Variants in NFIB observed in about 807,000 individuals in gnomAD.
NFIB encodes the protein nuclear factor I B, also known as nuclear factor 1 B-type.
In NFIB, 11 loss-of-function variants were observed where a neutral mutation model predicts 61.5. That is an observed-to-expected ratio of 0.18 (90% CI 0.11 to 0.30). The LOEUF (loss-of-function observed/expected upper bound fraction) is 0.30, where lower values mean the gene tolerates loss of function less well. Among genes scored for constraint, NFIB ranks in the 10% least tolerant of loss-of-function variants. NFIB has a pLI of 1.00. For missense variants in NFIB, 471 were observed against 608.9 expected, an observed-to-expected ratio of 0.77 and a Z score of 2.38; for synonymous variants, 260 against 216.5, an observed-to-expected ratio of 1.20 and a Z score of -1.76.
chr9:14,196,341 C>T (rs2382454), intron 2 of NFIB, among the ~76,000 whole-genome samples: 20,653 of 152,026 alleles, frequency 0.14, 1,503 homozygotes, highest in East Asian at 0.33. Context: ...TTTAAAAAGC[C>T]GTGTGTTTAT....
At chr9:14,370,915 C>A (rs1247499871) in intron 1 of NFIB, among the ~76,000 whole-genome samples, 1 of 152,006 alleles carries the variant, frequency 6.6e-6, no homozygotes, top group African/African-American at 2.4e-5. Flanking sequence ...GCCAACGTGG[C>A]GAAACCCCAT....
intron 3 of NFIB, among the ~76,000 whole-genome samples, chr9:14,160,847 A>C (rs1258413733): frequency 2.0e-5 from 3 of 149,956 alleles, no homozygotes; most frequent in Non-Finnish European, 3.0e-5. Context: ...AAAAAAAAAA[A>C]AAAACAGAAA....
intron 2 of NFIB, among the ~76,000 whole-genome samples, chr9:14,274,612 T>C (rs1302067565): frequency 6.6e-6 from 1 of 152,194 alleles, no homozygotes; most frequent in East Asian, 1.9e-4. Flanking sequence ...TCTGAAATCT[T>C]AGATTTGAAC....
intron 2 of NFIB, among the ~76,000 whole-genome samples, chr9:14,225,784 A>G (rs1448157262): frequency 6.6e-6 from 1 of 152,210 alleles, no homozygotes; most frequent in Non-Finnish European, 1.5e-5. Flanking sequence ...AAGAAAAAAA[A>G]TCCAGAAATA....
chr9:14,082,937 T>C lies in NFIB; in HGVS notation c.*5372A>G. The C allele has an allele frequency of 4.8e-6, 1 of 207,972 alleles. No homozygotes were observed. Among genetic ancestry groups the C allele is most frequent in the Non-Finnish European group, 9.8e-6 (1 of 101,918 alleles). 12.9% of individuals were successfully genotyped at this position (207,972 alleles called of 1,614,324 possible). A position where few individuals can be genotyped will look rare whatever the true frequency, so the allele number is the denominator to read the frequency against. The stretch of plus-strand genomic sequence containing the variant: ...CTGCTTTTCATGTATTTAGGCCACC[T>C]GTTGTTCCTGGTACTGTATCATGCA... On this transcript the variant is annotated 3_prime_UTR_variant, in exon 11 of 11. Transcript: ENST00000380953.
At chr9:14,381,330 C>A (rs1173230943) in intron 1 of NFIB, among the ~76,000 whole-genome samples, 1 of 151,684 alleles carries the variant, frequency 6.6e-6, no homozygotes, top group Non-Finnish European at 1.5e-5. Context: ...GAGCTGAGAC[C>A]ATAGGCATAT....
At chr9:14,510,839 G>C in the NFIB span, among the ~76,000 whole-genome samples, 8 of 152,052 alleles carry the variant, frequency 5.3e-5, no homozygotes, top group Non-Finnish European at 7.4e-5. Context: ...TATGTTCTTA[G>C]TGACTGAACT....
chr9:14,200,387 C>A (rs899380250), intron 2 of NFIB, among the ~76,000 whole-genome samples: 3 of 152,082 alleles, frequency 2.0e-5, no homozygotes, highest in African/African-American at 7.2e-5. Context: ...TGAAGTTAGA[C>A]CAAGGAATAA....
intron 1 of NFIB, among the ~76,000 whole-genome samples, chr9:14,387,737 T>G (rs529604026): frequency 6.6e-6 from 1 of 152,370 alleles, no homozygotes; most frequent in East Asian, 1.9e-4. Flanking sequence ...TTAGAATATT[T>G]TAGCAATACT....
At chr9:14,263,363 C>T (rs2056949087) in intron 2 of NFIB, among the ~76,000 whole-genome samples, 1 of 151,948 alleles carries the variant, frequency 6.6e-6, no homozygotes, top group Non-Finnish European at 1.5e-5. Flanking sequence ...TGAAGAAAAA[C>T]TCTTCCAGAA....
At chr9:14,090,380 T>C (rs755658244) in intron 10 of NFIB, among the ~76,000 whole-genome samples, 4 of 152,170 alleles carry the variant, frequency 2.6e-5, no homozygotes, top group Admixed American at 6.5e-5. Context: ...CTTTGCACCA[T>C]TGATTGGGAA....
intron 2 of NFIB, among the ~76,000 whole-genome samples, chr9:14,304,450 G>A (rs566591633): frequency 4.6e-5 from 7 of 152,262 alleles, no homozygotes; most frequent in East Asian, 3.9e-4. Flanking sequence ...ACTGCAATGC[G>A]GATGCCAACT....
At chr9:14,275,734 C>G (rs1278408493) in intron 2 of NFIB, among the ~76,000 whole-genome samples, 1 of 152,104 alleles carries the variant, frequency 6.6e-6, no homozygotes, top group East Asian at 1.9e-4. Context: ...ATGCTACATT[C>G]CTGTGGCAAT....
chr9:14,524,834 C>T, the NFIB span, among the ~76,000 whole-genome samples: 3 of 152,276 alleles, frequency 2.0e-5, no homozygotes, highest in South Asian at 6.2e-4. Flanking sequence ...GAAAGCTTTT[C>T]TTCATCCACC....
chr9:14,103,821 CAT>C (rs895474935), intron 10 of NFIB, among the ~76,000 whole-genome samples: 120 of 152,026 alleles, frequency 7.9e-4, no homozygotes, highest in African/African-American at 2.8e-3. Flanking sequence ...CCTGCATATA[CAT>C]AGATAGATCA....
At chr9:14,250,604 T>G (rs3761667) in intron 2 of NFIB, among the ~76,000 whole-genome samples, 1 of 152,008 alleles carries the variant, frequency 6.6e-6, no homozygotes, top group Non-Finnish European at 1.5e-5. Flanking sequence ...TTCCCTTGCT[T>G]ATGTCATAGT....
intron 1 of NFIB, among the ~76,000 whole-genome samples, chr9:14,382,992 G>A (rs1177003416): frequency 6.6e-6 from 1 of 152,148 alleles, no homozygotes; most frequent in Non-Finnish European, 1.5e-5. Context: ...AATTTGGAGA[G>A]AAGTAGCTAA....
chr9:14,186,763 CT>C (rs111963648), intron 2 of NFIB, among the ~76,000 whole-genome samples: 2,908 of 148,556 alleles, frequency 0.02, 32 homozygotes, highest in Non-Finnish European at 0.024. Context: ...CATAATTTGG[CT>C]TTTTTTTTTC....
At chr9:14,308,297 T>C (rs1259463404) in intron 1 of NFIB, among the ~76,000 whole-genome samples, 3 of 151,430 alleles carry the variant, frequency 2.0e-5, no homozygotes, top group Non-Finnish European at 1.5e-5. Context: ...CAGTGCATTC[T>C]CTCCCCACAC....
Sources: gnomAD v4.1 joint callset for allele counts (sites outside exome capture counted in the v4.1 genomes callset) on GRCh38, gnomAD v4.1.1 for gene constraint, MANE v1.5 for transcripts, NCBI Gene and HGNC (gene_info 2026-07-23, HGNC 2026-07-21) for gene names.